Variants in TBC1D14 observed in about 807,000 individuals in gnomAD.
TBC1D14 encodes the protein TBC1 domain family member 14, also known as TBC1 domain family, member 14.
Under a neutral mutation model 79.0 loss-of-function variants are expected in TBC1D14, and 26 were observed. That is an observed-to-expected ratio of 0.33 (90% confidence interval 0.24 to 0.46). The LOEUF (loss-of-function observed/expected upper bound fraction) is 0.46. TBC1D14 is among the 20% of genes least tolerant of loss of function. The pLI is 1.00. For missense variants in TBC1D14, 769 were observed against 887.6 expected (o/e 0.87, Z 1.70); for synonymous variants, 394 against 349.9 (o/e 1.13, Z -1.40).
Position 7,032,136 on chromosome 4 carries a change from G to A in TBC1D14, c.*1744G>A, listed in dbSNP as rs1425569404. 1 of 152,516 alleles carries A rather than the reference G, an allele frequency of 6.6e-6. No homozygotes were observed. Among genetic ancestry groups the A allele is most frequent in the Non-Finnish European group, 1.5e-5 (1 of 68,042 alleles). 9.4% of individuals were successfully genotyped at this position (152,516 alleles called of 1,614,324 possible). A position where few individuals can be genotyped will look rare whatever the true frequency, so the allele number is the denominator to read the frequency against. ...TTTAAATGCTGACTCACCTCCTCTC[G>A]GAGGAGGCGTCCTGTCTTCACGGGG... On this transcript the variant is annotated 3_prime_UTR_variant, in exon 14 of 14. Transcript: ENST00000409757.
chr4:6,950,454 G>C (rs1713930896), intron 2 of TBC1D14, among the ~76,000 whole-genome samples: 4 of 152,182 alleles, frequency 2.6e-5, no homozygotes, highest in Admixed American at 2.6e-4. Context: ...GTGCTGAATT[G>C]AAGTGGGACT....
At chr4:6,948,808 T>C (rs1336719061) in intron 2 of TBC1D14, among the ~76,000 whole-genome samples, 1 of 151,420 alleles carries the variant, frequency 6.6e-6, no homozygotes, top group Admixed American at 6.6e-5. Context: ...CAAGCGATTC[T>C]TCTGCCTCAG....
intron 12 of TBC1D14, among the ~76,000 whole-genome samples, chr4:7,017,438 G>C (rs913137529): frequency 2.0e-5 from 3 of 152,306 alleles, no homozygotes; most frequent in African/African-American, 7.2e-5. Flanking sequence ...TTCCCTTAGA[G>C]TCCTTTCTAA....
At chr4:6,921,972 G>T (rs545691952) in intron 1 of TBC1D14, among the ~76,000 whole-genome samples, 2 of 152,182 alleles carry the variant, frequency 1.3e-5, no homozygotes, top group African/African-American at 4.8e-5. Flanking sequence ...TGGGATTACA[G>T]GTGTGAGCCA....
chr4:7,013,133 G>T (rs1197092990), intron 11 of TBC1D14, among the ~76,000 whole-genome samples: 2 of 152,182 alleles, frequency 1.3e-5, no homozygotes, highest in Non-Finnish European at 2.9e-5. Context: ...GTTGAGTGGG[G>T]TCTTCATGAC....
At chr4:6,925,713 A>G (rs190998116) in intron 2 of TBC1D14, among the ~76,000 whole-genome samples, 1 of 152,256 alleles carries the variant, frequency 6.6e-6, no homozygotes, top group Admixed American at 6.5e-5. Context: ...GAACCTGGGA[A>G]CTTTGGGGGA....
In TBC1D14 at chr4:6,987,328, C is replaced by T. The variant is rs1195329706; in HGVS notation, c.844-6856C>T. On this transcript the variant is annotated intron_variant, in intron 3 of 13. Transcript: ENST00000409757. Reference sequence around the variant, plus strand: ...GGGCATGGAGCCTCCGGCCGCGCGCCTCTAAGGCCCCGGCGTTCATGGTGA... The same window carrying T: ...GGGCATGGAGCCTCCGGCCGCGCGCTTCTAAGGCCCCGGCGTTCATGGTGA... The T allele has an allele frequency of 1.9e-5, 27 of 1,417,122 alleles. 1 individual carries two copies. In the East Asian group the frequency reaches 7.6e-4, roughly 40 times the overall value. The allele number at this position is 1,417,122 out of a possible 1,614,324, so 87.8% of individuals were successfully genotyped here.
chr4:7,018,460 G>T (rs191212635), intron 12 of TBC1D14, among the ~76,000 whole-genome samples: 1 of 152,290 alleles, frequency 6.6e-6, no homozygotes, highest in Admixed American at 6.5e-5. Context: ...ACTCTCTGAG[G>T]GTCCCCTCTG....
rs780981151 is a variant in TBC1D14 at position 6,927,709 on chromosome 4, G to C, written c.722+3598G>C. Reference sequence around the variant, plus strand: ...GATGCCTTACAGCTTCCCTGGCTCCGACCCACGGGATGCCAGCAGCACTCC... The same window carrying C: ...GATGCCTTACAGCTTCCCTGGCTCCCACCCACGGGATGCCAGCAGCACTCC... On this transcript the variant is annotated intron_variant, in intron 2 of 13. Coordinates refer to ENST00000409757, the MANE Select transcript of TBC1D14 (RefSeq NM_020773.3). 5.3e-5 allele frequency among the ~76,000 whole-genome samples: 8 copies of C among 152,202 alleles called. No individual in the cohort carries two copies. In the South Asian group the frequency reaches 1.7e-3, roughly 32 times the overall value.
At chr4:6,920,624 A>T (rs918385335) in intron 1 of TBC1D14, among the ~76,000 whole-genome samples, 3 of 152,162 alleles carry the variant, frequency 2.0e-5, no homozygotes, top group African/African-American at 7.2e-5. Flanking sequence ...AGCTACCAAC[A>T]AAGTGCCTGT....
At chr4:6,939,347 C>T (rs1712675074) in intron 2 of TBC1D14, among the ~76,000 whole-genome samples, 1 of 150,422 alleles carries the variant, frequency 6.6e-6, no homozygotes, top group Non-Finnish European at 1.5e-5. Flanking sequence ...GAATGGCCCC[C>T]TTTGCTGTGT....
chr4:6,921,205 TTTTA>T (rs950099282), intron 1 of TBC1D14, among the ~76,000 whole-genome samples: 5 of 151,938 alleles, frequency 3.3e-5, no homozygotes, highest in African/African-American at 1.2e-4. Flanking sequence ...GAACTTTATT[TTTTA>T]TTTATTTATT....
chr4:6,996,276 C>T (rs1719035396), intron 4 of TBC1D14, 49 bp from the exon 5 acceptor site: 1 of 1,479,674 alleles, frequency 6.8e-7, no homozygotes, highest in Non-Finnish European at 9.4e-7. Flanking sequence ...TTCTGAAAGA[C>T]TTCTATGCGG....
At chr4:6,975,711 A>T (rs1387552558) in intron 3 of TBC1D14, among the ~76,000 whole-genome samples, 1 of 152,244 alleles carries the variant, frequency 6.6e-6, no homozygotes, top group African/African-American at 2.4e-5. Context: ...TGAAAAATAC[A>T]CTAACTGAAA....
intron 12 of TBC1D14, among the ~76,000 whole-genome samples, chr4:7,016,843 T>TACA (rs1721333981): frequency 1.3e-5 from 2 of 152,220 alleles, no homozygotes; most frequent in African/African-American, 4.8e-5. Context: ...GAGAATAGTG[T>TACA]TGTCTGCTTC....
chr4:6,997,621 A>C (rs960454095), intron 5 of TBC1D14, among the ~76,000 whole-genome samples: 8 of 152,138 alleles, frequency 5.3e-5, no homozygotes, highest in Non-Finnish European at 1.0e-4. Flanking sequence ...GCGAGACTCC[A>C]TCTCAAAAAA....
rs1301295433 is a variant in TBC1D14 at position 7,032,316 on chromosome 4, TC to T, written c.*1926del. 1 of 152,794 alleles carries T rather than the reference TC, an allele frequency of 6.5e-6. No homozygotes were observed. Among genetic ancestry groups the T allele is most frequent in the South Asian group, 2.1e-4 (1 of 4,830 alleles). The allele number at this position is 152,794 out of a possible 1,614,324, so 9.5% of individuals were successfully genotyped here. ...TTTGTTCATGTTACGGGCGTTCCGT[TC>T]CTTAAAGATGTATATATTTTCTTAC... On this transcript the variant is annotated 3_prime_UTR_variant, in exon 14 of 14. Transcript: ENST00000409757.
At chr4:6,993,935 A>T (rs1373788926) in intron 3 of TBC1D14, among the ~76,000 whole-genome samples, 1 of 152,098 alleles carries the variant, frequency 6.6e-6, no homozygotes, top group Admixed American at 6.5e-5. Context: ...GCTTGAACCG[A>T]GGAGGTGGAG....
chr4:7,027,812 C>T (rs1322372404), intron 13 of TBC1D14, among the ~76,000 whole-genome samples: 1 of 145,936 alleles, frequency 6.9e-6, no homozygotes, highest in Non-Finnish European at 1.5e-5. Context: ...ATATCACACA[C>T]CCTTAAATAC....
Sources: allele counts gnomAD v4.1 joint callset (sites outside exome capture counted in the v4.1 genomes callset), GRCh38; gene constraint gnomAD v4.1.1; transcripts MANE v1.5; gene names NCBI Gene and HGNC (gene_info 2026-07-23, HGNC 2026-07-21).